The following SPDYE12 variants were observed in gnomAD, a reference collection of about 807,000 sequenced individuals.
SPDYE12 encodes speedy/RINGO cell cycle regulator family member E12, also known as speedy protein E12.
At chr7:74,908,639 A>G in the SPDYE12 span, among the ~76,000 whole-genome samples, 119 of 119,866 alleles carry the variant, frequency 9.9e-4, 1 homozygote, top group South Asian at 3.9e-3. Context: ...GGAGCGGTTC[A>G]TGGTTCCTTT....
chr7:74,914,975 A>C, the SPDYE12 span, among the ~76,000 whole-genome samples: 3 of 151,214 alleles, frequency 2.0e-5, no homozygotes, highest in Non-Finnish European at 4.4e-5. Flanking sequence ...GAGTTCCCAC[A>C]TGGCTTCCTA....
the SPDYE12 span, chr7:74,909,557 G>C: frequency 1.9e-6 from 3 of 1,583,256 alleles, no homozygotes; most frequent in Non-Finnish European, 2.6e-6. Flanking sequence ...GGTATTGCCA[G>C]GAGGGGAGGC....
the SPDYE12 span, among the ~76,000 whole-genome samples, chr7:74,908,582 G>T: frequency 1.4e-4 from 20 of 142,746 alleles, 2 homozygotes; most frequent in Non-Finnish European, 4.6e-5. Flanking sequence ...TCTGCTTGCT[G>T]GGGGAAGTGT....
At chr7:74,909,033 G>GTTTT in the SPDYE12 span, among the ~76,000 whole-genome samples, 14 of 31,996 alleles carry the variant, frequency 4.4e-4, no homozygotes, top group Admixed American at 1.1e-3. Flanking sequence ...TTTTTGCCTG[G>GTTTT]TTTTTTTTTT....
the SPDYE12 span, among the ~76,000 whole-genome samples, chr7:74,908,848 AT>A: frequency 4.9e-4 from 69 of 139,746 alleles, 1 homozygote; most frequent in African/African-American, 8.4e-4. Flanking sequence ...TAATTTTTGT[AT>A]TTTTTTTTTT....
the SPDYE12 span, chr7:74,911,959 CAG>C: frequency 7.1e-5 from 3 of 42,062 alleles, no homozygotes; most frequent in Non-Finnish European, 8.4e-5. Flanking sequence ...TCGTAGTACT[CAG>C]GGAGCACGAG....
At chr7:74,909,313 C>G in the SPDYE12 span, among the ~76,000 whole-genome samples, 1 of 151,522 alleles carries the variant, frequency 6.6e-6, no homozygotes, top group East Asian at 1.9e-4. Flanking sequence ...CTCAGCCTCC[C>G]AAAGTGCTGG....
At chr7:74,908,661 C>CTTTTTT in the SPDYE12 span, among the ~76,000 whole-genome samples, 41 of 58,604 alleles carry the variant, frequency 7.0e-4, no homozygotes, top group South Asian at 9.6e-4. Context: ...GTTTTTTGTT[C>CTTTTTT]TTTTTTTTTT....
chr7:74,914,241 T>TCC, the SPDYE12 span, among the ~76,000 whole-genome samples: 5 of 20,848 alleles, frequency 2.4e-4, no homozygotes, highest in African/African-American at 7.6e-4. Context: ...AGATACTGGG[T>TCC]GTACAAAAAG....
At chr7:74,909,099 G>GC in the SPDYE12 span, among the ~76,000 whole-genome samples, 1 of 137,132 alleles carries the variant, frequency 7.3e-6, no homozygotes, top group Admixed American at 7.7e-5. Flanking sequence ...TGTTGCCCAG[G>GC]CTGGAGTGCA....
the SPDYE12 span, among the ~76,000 whole-genome samples, chr7:74,906,294 G>C: frequency 1.4e-5 from 2 of 140,516 alleles, no homozygotes; most frequent in African/African-American, 3.1e-5. Context: ...GGTAACTCAA[G>C]TGCATCAATC....
chr7:74,906,220 G>C, the SPDYE12 span, among the ~76,000 whole-genome samples: 15 of 142,866 alleles, frequency 1.0e-4, no homozygotes, highest in East Asian at 3.0e-3. Context: ...CTCATGCTCT[G>C]TGCTCAACAT....
chr7:74,908,928 A>G, the SPDYE12 span, among the ~76,000 whole-genome samples: 2 of 139,492 alleles, frequency 1.4e-5, no homozygotes, highest in East Asian at 4.3e-4. Context: ...TGATCCGCCC[A>G]CCTCGGCCTC....
the SPDYE12 span, chr7:74,909,724 A>G: frequency 2.2e-3 from 3,077 of 1,388,422 alleles, 40 homozygotes; most frequent in Middle Eastern, 8.3e-3. Context: ...GGACCTCAGC[A>G]TTGGGGTGAC....
chr7:74,907,366 A>G, the SPDYE12 span, among the ~76,000 whole-genome samples: 1 of 151,258 alleles, frequency 6.6e-6, no homozygotes, highest in Non-Finnish European at 1.5e-5. Context: ...AGGCCGAAGC[A>G]GGAGGATCAC....
At chr7:74,914,994 C>T in the SPDYE12 span, among the ~76,000 whole-genome samples, 5 of 151,254 alleles carry the variant, frequency 3.3e-5, no homozygotes, top group African/African-American at 7.3e-5. Flanking sequence ...TAACGGGCTG[C>T]GGCTCTCCTA....
At chr7:74,909,940 C>G in the SPDYE12 span, among the ~76,000 whole-genome samples, 2 of 150,006 alleles carry the variant, frequency 1.3e-5, no homozygotes, top group Admixed American at 6.7e-5. Flanking sequence ...GAGTAGAGGG[C>G]CCAGGAGCTT....
chr7:74,904,560 G>A, the SPDYE12 span, among the ~76,000 whole-genome samples: 5 of 151,404 alleles, frequency 3.3e-5, no homozygotes. Context: ...TGTTAACTAA[G>A]TATCATAGAT....
the SPDYE12 span, among the ~76,000 whole-genome samples, chr7:74,909,776 G>C: frequency 2.6e-5 from 4 of 150,960 alleles, no homozygotes; most frequent in African/African-American, 9.7e-5. Context: ...GTATTCGAAG[G>C]TCGGATGCAA....
Sources: gnomAD v4.1 joint callset for allele counts (sites outside exome capture counted in the v4.1 genomes callset) on GRCh38, gnomAD v4.1.1 for gene constraint, MANE v1.5 for transcripts, NCBI Gene and HGNC (gene_info 2026-07-23, HGNC 2026-07-21) for gene names.